The following NUP214 variants were observed in gnomAD, a reference collection of about 807,000 sequenced individuals.
NUP214 encodes the protein nucleoporin 214, also known as nuclear pore complex protein Nup214.
In NUP214, 79 loss-of-function variants were observed where a neutral mutation model predicts 196.2. That is an observed-to-expected ratio of 0.40 (90% CI 0.34 to 0.49). The LOEUF is 0.49. Ranked by LOEUF, NUP214 falls within the 20% of genes least tolerant of loss-of-function variation. The pLI is 0.58. For synonymous variants in NUP214, 1,020 were observed against 990.5 expected, an observed-to-expected ratio of 1.03 and a Z score of -0.56; for missense variants, 2,468 against 2,539.0, an observed-to-expected ratio of 0.97 and a Z score of 0.60.
chr9:131,150,726 C>T lies in NUP214; in HGVS notation c.2238C>T (p.Asp746=), dbSNP rs768290507. 1.1e-5 allele frequency: 18 copies of T among 1,613,692 alleles called. No homozygotes were observed. Among genetic ancestry groups the T allele is most frequent in the Non-Finnish European group, 1.4e-5 (17 of 1,179,942 alleles). The change falls in exon 16 of 36, where the codon GAC becomes GAT. Residue 746 remains aspartate, a synonymous_variant. Coordinates refer to ENST00000359428, the MANE Select transcript of NUP214 (RefSeq NM_005085.4). ...AGATGCTGCGAACAGAATCAGATGA[C>T]TTGCATACCTTTCTTTTGGAGATTA... ...EMKMLRTESD[D]LHTFLLEIKE...
chr9:131,141,635 T>C (rs1028018232), intron 11 of NUP214: 7 of 152,046 alleles, frequency 4.6e-5, no homozygotes. Flanking sequence ...TGCGCCACCA[T>C]ATGCAGCTAT....
chr9:131,130,629 C>G, intron 4 of NUP214, 137 bp from the exon 5 acceptor site: 1 of 751,796 alleles, frequency 1.3e-6, no homozygotes, highest in Non-Finnish European at 2.2e-6. Context: ...CTTTTTTCCA[C>G]TTTGCCTGAT....
chr9:131,164,349 T>TTATA (rs1413182055), intron 21 of NUP214: 110 of 574,618 alleles, frequency 1.9e-4, no homozygotes, highest in Non-Finnish European at 8.6e-5. Context: ...AAGAACCAGC[T>TTATA]TATATATACT....
At chr9:131,174,583 G>T (rs1458990113) in intron 22 of NUP214, among the ~76,000 whole-genome samples, 1 of 151,486 alleles carries the variant, frequency 6.6e-6, no homozygotes. Context: ...CAAGTAGCTG[G>T]GATTACAGGC....
chr9:131,194,952 A>G (rs559665282), intron 27 of NUP214, among the ~76,000 whole-genome samples: 1 of 152,320 alleles, frequency 6.6e-6, no homozygotes, highest in Admixed American at 6.5e-5. Flanking sequence ...TCTTGCAAGA[A>G]GTCCCCACTC....
At chr9:131,165,696 G>T (rs1588142388) in intron 21 of NUP214, among the ~76,000 whole-genome samples, 1 of 152,202 alleles carries the variant, frequency 6.6e-6, no homozygotes, top group East Asian at 1.9e-4. Context: ...AGCATTATTG[G>T]TAATAGCCAA....
intron 13 of NUP214, 41 bp from the exon 14 acceptor site, chr9:131,147,448 TA>T: frequency 7.3e-7 from 1 of 1,370,054 alleles, no homozygotes; most frequent in Non-Finnish European, 1.0e-6. Context: ...GAAATAAAGG[TA>T]ATAAATGCCA....
At chr9:131,204,554 C>CA (rs1436858970) in intron 30 of NUP214, among the ~76,000 whole-genome samples, 1 of 152,116 alleles carries the variant, frequency 6.6e-6, no homozygotes, top group Non-Finnish European at 1.5e-5. Flanking sequence ...GCTTTGTTTA[C>CA]AAAAACAGGC....
At chr9:131,230,019 A>T (rs531644594) in intron 33 of NUP214, 1 of 326,210 alleles carries the variant, frequency 3.1e-6, no homozygotes, top group East Asian at 9.9e-5. Context: ...CTGATAGGTC[A>T]CACAGTGCCA....
intron 19 of NUP214, 198 bp downstream of exon 19, chr9:131,163,371 T>A: frequency 1.8e-6 from 1 of 554,670 alleles, no homozygotes. Context: ...TTCGTGGGAT[T>A]GTTGGAGAGT....
At chr9:131,227,998 G>A (rs1217233875) in intron 32 of NUP214, among the ~76,000 whole-genome samples, 162 bp from the exon 33 acceptor site, 1 of 136,772 alleles carries the variant, frequency 7.3e-6, no homozygotes, top group Non-Finnish European at 1.6e-5. Flanking sequence ...GGGGGAGGGG[G>A]GGTGTTGCCC....
chr9:131,150,887 G>A (rs527344759), intron 16 of NUP214, 122 bp downstream of exon 16: 6 of 920,664 alleles, frequency 6.5e-6, no homozygotes, highest in African/African-American at 5.0e-5. Context: ...TTTTTTTAAC[G>A]TGGCTGAGTA....
Position 131,174,239 on chromosome 9 carries a change from C to G in NUP214, c.3078C>G (p.Pro1026=). The G allele has an allele frequency of 6.2e-7, 1 of 1,614,064 alleles. No homozygotes were observed. The highest frequency in any genetic ancestry group is 8.5e-7 in the Non-Finnish European group (1 of 1,180,008). Residue 1026 remains proline, a synonymous_variant, in exon 22 of 36, where the codon CCC becomes CCG. Transcript: ENST00000359428. ...APVVRTPSIQ[P]SLLPHAAPFA... is the part of the protein sequence containing the mutation. ...TGGTTCGCACTCCTTCCATCCAGCC[C>G]AGTCTCTTGCCCCATGCAGCACCTT...
At chr9:131,214,007 A>T (rs888067527) in intron 30 of NUP214, among the ~76,000 whole-genome samples, 1 of 152,182 alleles carries the variant, frequency 6.6e-6, no homozygotes, top group African/African-American at 2.4e-5. Flanking sequence ...TGTGACTGCC[A>T]TTGCAAGTAG....
At position 131,147,607 on chromosome 9, in the gene NUP214, A is replaced by G. The variant is rs757248519; in HGVS notation, c.2040+23A>G. On this transcript the variant is annotated intron_variant, in intron 14 of 35. Coordinates refer to ENST00000359428, the MANE Select transcript of NUP214 (RefSeq NM_005085.4). ...CAGGTATGTTTAAATTCAGCTTGCA[A>G]TGTTTGTGTTTATTAATTTACTGCC... The G allele has an allele frequency of 3.1e-5, 48 of 1,541,640 alleles. No individual in the cohort carries two copies. In the Admixed American group the frequency reaches 7.0e-4, roughly 22 times the overall value.
intron 31 of NUP214, among the ~76,000 whole-genome samples, chr9:131,220,151 C>G (rs1404482158): frequency 1.3e-5 from 2 of 152,092 alleles, no homozygotes; most frequent in African/African-American, 4.8e-5. Flanking sequence ...GATGGCTATG[C>G]AAAGACAAAC....
At chr9:131,207,726 A>G (rs1297279861) in intron 30 of NUP214, among the ~76,000 whole-genome samples, 1 of 152,246 alleles carries the variant, frequency 6.6e-6, no homozygotes, top group Non-Finnish European at 1.5e-5. Flanking sequence ...AATATCTGTC[A>G]TAATGGGACC....
chr9:131,175,952 G>A (rs1405116256), intron 23 of NUP214, among the ~76,000 whole-genome samples: 7 of 151,714 alleles, frequency 4.6e-5, no homozygotes, highest in African/African-American at 7.3e-5. Flanking sequence ...TTTGAAATTC[G>A]ATCATCGAAT....
chr9:131,149,472 A>C (rs984795790), intron 14 of NUP214, among the ~76,000 whole-genome samples: 1 of 149,182 alleles, frequency 6.7e-6, no homozygotes, highest in African/African-American at 2.5e-5. Flanking sequence ...CCCTCTCTTT[A>C]ACAGTACCTG....
Sources: gnomAD v4.1 joint callset for allele counts (sites outside exome capture counted in the v4.1 genomes callset) on GRCh38, gnomAD v4.1.1 for gene constraint, MANE v1.5 for transcripts, NCBI Gene and HGNC (gene_info 2026-07-23, HGNC 2026-07-21) for gene names.